PCDHA1: variants seen among roughly 807,000 people sequenced by gnomAD.
PCDHA1 encodes protocadherin alpha-1.
A neutral mutation model predicts 61.3 loss-of-function variants in PCDHA1; 42 were observed. The observed-to-expected ratio is 0.69, with a 90% confidence interval of 0.54 to 0.89. The LOEUF (loss-of-function observed/expected upper bound fraction) is 0.89, where lower values mean the gene tolerates loss of function less well. PCDHA1 is among the 40% of genes least tolerant of loss of function. The probability of loss-of-function intolerance (pLI) is 0.00; values close to 1 mark genes in which losing one functional copy is unlikely to be tolerated. For missense variants in PCDHA1, 1,256 were observed against 1,235.3 expected (o/e 1.02, Z -0.25); for synonymous variants, 610 against 553.8 (o/e 1.10, Z -1.43).
At chr5:140,823,721 T>C in intron 1 of PCDHA1, 1 of 1,613,916 alleles carries the variant, frequency 6.2e-7, no homozygotes, top group African/African-American at 1.3e-5. Flanking sequence ...CTTCTGGTGC[T>C]GGTGAAGGAC....
At chr5:140,952,972 A>G (rs1206326487) in intron 1 of PCDHA1, among the ~76,000 whole-genome samples, 1 of 152,074 alleles carries the variant, frequency 6.6e-6, no homozygotes, top group Non-Finnish European at 1.5e-5. Context: ...CACACTTTTA[A>G]ACAACAAGAT....
intron 1 of PCDHA1, chr5:140,851,152 C>G (rs1379835863): frequency 1.5e-6 from 2 of 1,304,948 alleles, no homozygotes; most frequent in African/African-American, 3.1e-5. Flanking sequence ...CATTGAATTT[C>G]TGATGCTATG....
rs2150346184 is a variant in PCDHA1, at chr5:140,842,847, C to T, written c.2394+54163C>T. 8 of 1,593,796 alleles carry T rather than the reference C, an allele frequency of 5.0e-6. 1 individual carries two copies. Among genetic ancestry groups the T allele is most frequent in the Non-Finnish European group, 1.7e-6 (2 of 1,165,370 alleles). On this transcript the variant is annotated intron_variant, in intron 1 of 3. Coordinates refer to ENST00000504120, the MANE Select transcript of PCDHA1 (RefSeq NM_018900.4). ...GAGCGCTCGCTGTCGAGCTACATTT[C>T]GGTGCACACGGAGAGCGGCAAGGTG...
Position 140,943,173 on chromosome 5 carries a change from G to A in PCDHA1, c.2395-35776G>A, listed in dbSNP as rs143950290. On this transcript the variant is annotated intron_variant, in intron 1 of 3. Coordinates refer to ENST00000504120, the MANE Select transcript of PCDHA1 (RefSeq NM_018900.4). ...CTCTGGAGGCTGAGGCAGGAAAATC[G>A]CTTGAACCCTGGAGGTGGAGGCTGC... is the stretch of plus-strand genomic sequence containing the variant. Among the ~76,000 whole-genome samples the A allele has an allele frequency of 5.6e-3, 834 of 148,712 alleles. 7 individuals are homozygous for A. Among genetic ancestry groups the A allele is most frequent in the African/African-American group, 0.019 (751 of 40,052 alleles).
At chr5:140,970,854 T>TG (rs1554232785) in intron 1 of PCDHA1, among the ~76,000 whole-genome samples, 1 of 152,148 alleles carries the variant, frequency 6.6e-6, no homozygotes, top group Non-Finnish European at 1.5e-5. Context: ...GCACAAAAGT[T>TG]CCATTCCTGA....
rs782607937 is a variant in PCDHA1, at chr5:140,805,105, T to A, written c.2394+16421T>A. 10 of 1,591,374 alleles carry A rather than the reference T, an allele frequency of 6.3e-6. No individual in the cohort carries two copies. In the Admixed American group the frequency reaches 1.7e-4, roughly 27 times the overall value. On this transcript the variant is annotated intron_variant, in intron 1 of 3. Transcript: ENST00000504120. ...AATCCAGCTTGCCTCTTGAAACTAT[T>A]GTCTAACAAGACTCTTGGCAAAGAC...
At chr5:140,982,878 C>T (rs2097013352) in intron 3 of PCDHA1, among the ~76,000 whole-genome samples, 1 of 151,992 alleles carries the variant, frequency 6.6e-6, no homozygotes, top group South Asian at 2.1e-4. Flanking sequence ...TCATCCAAGC[C>T]ATGCAGAGAA....
chr5:140,871,413 C>A (rs2053063966), intron 1 of PCDHA1: 1 of 1,614,002 alleles, frequency 6.2e-7, no homozygotes, highest in East Asian at 2.2e-5. Flanking sequence ...ACCTCATGGC[C>A]TTCAGCCCCA....
chr5:140,926,857 T>C (rs782114974), intron 1 of PCDHA1: 12 of 1,520,736 alleles, frequency 7.9e-6, no homozygotes, highest in Admixed American at 2.2e-5. Context: ...ACCGTTGGTG[T>C]AGCGTGTTGG....
chr5:140,813,367 A>G (rs1267239174), intron 1 of PCDHA1: 1 of 152,212 alleles, frequency 6.6e-6, no homozygotes, highest in Non-Finnish European at 1.5e-5. Context: ...CCTACTACAG[A>G]CCTAGGTTAC....
At chr5:140,924,507 C>T (rs2081871616) in intron 1 of PCDHA1, among the ~76,000 whole-genome samples, 1 of 152,168 alleles carries the variant, frequency 6.6e-6, no homozygotes, top group African/African-American at 2.4e-5. Context: ...CAATCCCACT[C>T]TTAGTGTTAA....
At chr5:140,793,530 C>T (rs545300755) in intron 1 of PCDHA1, among the ~76,000 whole-genome samples, 15 of 152,152 alleles carry the variant, frequency 9.9e-5, no homozygotes, top group South Asian at 4.1e-4. Flanking sequence ...TTTTCTCTTA[C>T]GGACATTGCA....
intron 1 of PCDHA1, among the ~76,000 whole-genome samples, chr5:140,888,291 A>G (rs539984108): frequency 9.2e-5 from 14 of 152,122 alleles, no homozygotes; most frequent in Admixed American, 5.2e-4. Flanking sequence ...TCTACCCCCT[A>G]CCCAGGAGAT....
rs375771604 is a variant in PCDHA1, at chr5:140,876,994, G to A, written c.2394+88310G>A. ...GGGCGAGCACGCACTGTCGAGCTAC[G>A]TGTCGGTGCACGCGGAGAGCGGCAA... On this transcript the variant is annotated intron_variant, in intron 1 of 3. Transcript: ENST00000504120. The A allele has an allele frequency of 5.6e-6, 9 of 1,612,502 alleles. No individual in the cohort carries two copies. The highest frequency in any genetic ancestry group is 5.0e-5 in the Admixed American group (3 of 59,998).
rs1205980132 is a variant in PCDHA1, at chr5:140,829,675, A to G, written c.2394+40991A>G. ...TGCAGCCGCTGGACCACGAGGAGCTAGAGCTGCTGCAGTTTCAGGTGAGCG... is the reference window on the plus strand; with the variant it reads ...TGCAGCCGCTGGACCACGAGGAGCTGGAGCTGCTGCAGTTTCAGGTGAGCG... On this transcript the variant is annotated intron_variant, in intron 1 of 3. Transcript: ENST00000504120. The G allele has an allele frequency of 3.1e-6, 5 of 1,613,082 alleles. No individual in the cohort carries two copies. The South Asian group carries it at 4.4e-5, about 14-fold the overall frequency.
chr5:140,940,666 A>G (rs1398290925), intron 1 of PCDHA1, among the ~76,000 whole-genome samples: 1 of 152,176 alleles, frequency 6.6e-6, no homozygotes, highest in Non-Finnish European at 1.5e-5. Flanking sequence ...TTAAATCTTC[A>G]TCTGATAATT....
chr5:140,838,077 AGTGTGTGTGT>A (rs57130401), intron 1 of PCDHA1, among the ~76,000 whole-genome samples: 3,081 of 80,626 alleles, frequency 0.038, 55 homozygotes, highest in African/African-American at 0.095. Context: ...ATATATATAT[AGTGTGTGTGT>A]GTGTGTGTGT....
rs2150182474 is a variant in PCDHA1 at position 140,830,181 on chromosome 5, A to G, written c.2394+41497A>G. The G allele has an allele frequency of 8.7e-6, 14 of 1,613,592 alleles. No individual in the cohort carries two copies. The East Asian group carries it at 1.8e-4, about 21-fold the overall frequency. Reference sequence around the variant, plus strand: ...CCAGAGGCGGCGCTGGTGGATGTCAACGTGTACCTGATCATCGCCATCTGC... The same window carrying G: ...CCAGAGGCGGCGCTGGTGGATGTCAGCGTGTACCTGATCATCGCCATCTGC... On this transcript the variant is annotated intron_variant, in intron 1 of 3. Transcript: ENST00000504120.
At chr5:140,799,201 C>A (rs1231735156) in intron 1 of PCDHA1, among the ~76,000 whole-genome samples, 3 of 152,088 alleles carry the variant, frequency 2.0e-5, no homozygotes, top group Admixed American at 6.5e-5. Context: ...ATGGCTCAAT[C>A]TTCTAAACTC....
Sources: allele counts gnomAD v4.1 joint callset (sites outside exome capture counted in the v4.1 genomes callset), GRCh38; gene constraint gnomAD v4.1.1; transcripts MANE v1.5; gene names NCBI Gene and HGNC (gene_info 2026-07-23, HGNC 2026-07-21).